GRTP1: variants seen among roughly 807,000 people sequenced by gnomAD.
GRTP1 encodes growth hormone regulated TBC protein 1.
A neutral mutation model predicts 38.1 loss-of-function variants in GRTP1; 56 were observed. The ratio of observed to expected loss-of-function variants is 1.47; its 90% confidence interval spans 1.19 to 1.84. GRTP1 has a LOEUF of 1.84. Ranked by LOEUF, GRTP1 falls within the 40% of genes most tolerant of loss-of-function variation. The pLI is 0.00. For synonymous variants in GRTP1, 217 were observed against 189.5 expected (o/e 1.14, Z -1.19); for missense variants, 506 against 453.9 (o/e 1.11, Z -1.04).
In GRTP1 at chr13:113,363,871, G is replaced by A. The variant is rs750617701; in HGVS notation, c.72C>T (p.Asp24=). 4 of 1,611,856 alleles carry A rather than the reference G, an allele frequency of 2.5e-6. No individual in the cohort carries two copies. The highest frequency in any genetic ancestry group is 1.7e-5 in the Admixed American group (1 of 59,964). ...PYGFERPEDF[D]DAAYEKFFSS... The stretch of plus-strand genomic sequence containing the variant: ...AGAAAAACTTCTCGTAGGCGGCGTC[G>A]TCGAAGTCCTCAGGCCGCTCGAATC... The change falls in exon 2 of 8, where the codon GAC becomes GAT. Residue 24 remains aspartate (D), a synonymous_variant. Transcript: ENST00000375431.
intron 5 of GRTP1, among the ~76,000 whole-genome samples, chr13:113,330,795 G>T (rs761521293): frequency 0.83 from 105 of 126 alleles, 51 homozygotes; most frequent in South Asian, 1. Context: ...TGGAGCCCAG[G>T]TGCGTGGATG....
At chr13:113,336,792 C>T (rs2042961578) in intron 5 of GRTP1, among the ~76,000 whole-genome samples, 1 of 12,338 alleles carries the variant, frequency 8.1e-5, no homozygotes, top group African/African-American at 3.1e-4. Context: ...TGGCGCTCAG[C>T]CCTAGAACTG....
chr13:113,351,476 GCTGAGAA>G (rs373403669), intron 3 of GRTP1, among the ~76,000 whole-genome samples: 2 of 151,644 alleles, frequency 1.3e-5, no homozygotes, highest in Admixed American at 6.6e-5. Flanking sequence ...AGAGCTGAGA[GCTGAGAA>G]CTGAATAAAC....
At chr13:113,345,576 C>T (rs539015773) in intron 4 of GRTP1, among the ~76,000 whole-genome samples, 6 of 152,362 alleles carry the variant, frequency 3.9e-5, no homozygotes, top group African/African-American at 1.2e-4. Context: ...TTCTTTGTCA[C>T]TCATTTGTAA....
rs67179331 is a variant in GRTP1, at chr13:113,336,298, G to GTTT, written c.562+8562_562+8564dup. Among the ~76,000 whole-genome samples the GTTT allele has an allele frequency of 8.7e-3, 182 of 20,986 alleles. 2 individuals are homozygous for GTTT. The highest frequency in any genetic ancestry group is 0.01 in the African/African-American group (171 of 16,606). The allele number at this position is 20,986 out of a possible 152,430, so 13.8% of individuals were successfully genotyped here. On this transcript the variant is annotated intron_variant, in intron 5 of 7. Transcript: ENST00000375431. The stretch of plus-strand genomic sequence containing the variant: ...CACACCCAGCAGTGGGAATAAGGTA[G>GTTT]TTTTTTTTTTTTTTTTTAAGGCAAA...
chr13:113,324,615 A>G (rs1401003888), intron 7 of GRTP1, 38 bp from the exon 8 acceptor site: 2 of 1,564,004 alleles, frequency 1.3e-6, no homozygotes, highest in Admixed American at 1.9e-5. Flanking sequence ...CAAACCCAAC[A>G]ACCCATTTCT....
chr13:113,325,786 C>G lies in GRTP1; in HGVS notation c.796G>C (p.Ala266Pro). The G allele has an allele frequency of 1.2e-6, 2 of 1,614,204 alleles. No homozygotes were observed. The highest frequency in any genetic ancestry group is 4.5e-5 in the East Asian group (2 of 44,880). Residue 266 changes from alanine (A) to proline (P), a missense_variant, in exon 7 of 8, where the codon GCC becomes CCC. Coordinates refer to ENST00000375431, the MANE Select transcript of GRTP1 (RefSeq NM_024719.4). ...NEGSKIIFRV[A>P]LTLIKQHQEL... ...TGGTGCTGCTTAATTAAGGTCAGGGCCACCCGGAAGATAATCTTCGAGCCT... is the reference window on the plus strand; with the variant it reads ...TGGTGCTGCTTAATTAAGGTCAGGGGCACCCGGAAGATAATCTTCGAGCCT...
chr13:113,363,697 T>C (rs2043543194), intron 2 of GRTP1, 65 bp downstream of exon 2: 21 of 1,425,566 alleles, frequency 1.5e-5, no homozygotes, highest in African/African-American at 3.2e-5. Flanking sequence ...GCCCGGACTT[T>C]GCCCGGCCCG....
chr13:113,337,992 T>C (rs1250880420), intron 5 of GRTP1, among the ~76,000 whole-genome samples: 1 of 152,216 alleles, frequency 6.6e-6, no homozygotes, highest in Non-Finnish European at 1.5e-5. Context: ...CTGACCTGCT[T>C]CCCTATTTTT....
intron 5 of GRTP1, among the ~76,000 whole-genome samples, chr13:113,329,644 G>A (rs1031740879): frequency 1.3e-5 from 2 of 152,198 alleles, no homozygotes; most frequent in Non-Finnish European, 2.9e-5. Context: ...TTCCCACCAC[G>A]TGATGTCAAA....
At chr13:113,331,014 G>A (rs879432685) in intron 5 of GRTP1, among the ~76,000 whole-genome samples, 1 of 148,988 alleles carries the variant, frequency 6.7e-6, no homozygotes, top group South Asian at 2.1e-4. Context: ...GGAAAGCCAG[G>A]TGTGTGCATT....
At position 113,333,837 on chromosome 13, in the gene GRTP1, TA is replaced by T. The variant is rs1240206512; in HGVS notation, c.563-7747del. Among the ~76,000 whole-genome samples, 448 of 76,374 alleles carry T rather than the reference TA, an allele frequency of 5.9e-3. 2 individuals carry two copies. The highest frequency in any genetic ancestry group is 0.023 in the African/African-American group (424 of 18,174). 50.1% of individuals were successfully genotyped at this position (76,374 alleles called of 152,430 possible). ...TTATTTATTTATTTATTTATTTATT[TA>T]GTGTGTGTGTGTGTGTGTGTGTGTG... On this transcript the variant is annotated intron_variant, in intron 5 of 7. Coordinates refer to ENST00000375431, the MANE Select transcript of GRTP1 (RefSeq NM_024719.4).
At chr13:113,363,677 C>G (rs964183886) in intron 2 of GRTP1, 85 bp downstream of exon 2, 18 of 1,388,070 alleles carry the variant, frequency 1.3e-5, no homozygotes, top group South Asian at 2.5e-5. Context: ...CCCCTCCCTC[C>G]GCTCCGGGAG....
chr13:113,325,387 C>G (rs1336233786), intron 7 of GRTP1: 1 of 1,432,054 alleles, frequency 7.0e-7, no homozygotes. Flanking sequence ...GGAAGCCACA[C>G]TTCTGGCACC....
At chr13:113,325,889 C>G (rs763418249) in intron 6 of GRTP1, 30 bp downstream of exon 6, 14 of 1,613,888 alleles carry the variant, frequency 8.7e-6, no homozygotes, top group Non-Finnish European at 1.2e-5. Flanking sequence ...TGGCGGCCCG[C>G]CCGCCCCAGG....
intron 5 of GRTP1, among the ~76,000 whole-genome samples, chr13:113,332,636 C>T (rs1258054818): frequency 6.6e-6 from 1 of 152,240 alleles, no homozygotes; most frequent in African/African-American, 2.4e-5. Context: ...AAGGACAGTT[C>T]CCACAAACAC....
At position 113,359,651 on chromosome 13, in the gene GRTP1, C is replaced by G. The variant is rs1175361054; in HGVS notation, c.181+4111G>C. 5 of 152,326 alleles carry G rather than the reference C, an allele frequency of 3.3e-5. No individual in the cohort carries two copies. In the East Asian group the frequency reaches 7.7e-4, roughly 24 times the overall value. The allele number at this position is 152,326 out of a possible 1,614,324, so 9.4% of individuals were successfully genotyped here. A position where few individuals can be genotyped will look rare whatever the true frequency, so the allele number is the denominator to read the frequency against. On this transcript the variant is annotated intron_variant, in intron 2 of 7. Transcript: ENST00000375431. ...AATGCACCAGCTCTGGAGTCAGACA[C>G]TCTGCTCCGCTATGACTTGCAGGCT...
rs1403045004 is a variant in GRTP1 at position 113,324,432 on chromosome 13, A to C, written c.*56T>G. Reference sequence around the variant, plus strand: ...AGCAGTGAAAGTTGGTCCAGTGTCAACTCTGGAAAGGGGCATCGTCAGTGT... The same window carrying C: ...AGCAGTGAAAGTTGGTCCAGTGTCACCTCTGGAAAGGGGCATCGTCAGTGT... On this transcript the variant is annotated 3_prime_UTR_variant, in exon 8 of 8. Coordinates refer to ENST00000375431, the MANE Select transcript of GRTP1 (RefSeq NM_024719.4). The C allele has an allele frequency of 1.3e-6, 2 of 1,489,318 alleles. No individual in the cohort carries two copies. Among genetic ancestry groups the C allele is most frequent in the African/African-American group, 2.8e-5 (2 of 70,552 alleles). The allele number at this position is 1,489,318 out of a possible 1,614,324, so 92.3% of individuals were successfully genotyped here.
At position 113,350,951 on chromosome 13, in the gene GRTP1, G is replaced by A. The variant is rs1394312869; in HGVS notation, c.363C>T (p.Asp121=). 1.2e-6 allele frequency: 2 copies of A among 1,613,700 alleles called. No individual in the cohort carries two copies. Among genetic ancestry groups the A allele is most frequent in the African/African-American group, 2.7e-5 (2 of 74,920 alleles). ...IRTDLNRTFP[D]NVKFRKTTDP... is the part of the protein sequence containing the mutation. ...CCGTGGTCTTCCGGAACTTCACGTT[G>A]TCGGGGAAGGTCCGGTTCAGGTCTG... The change falls in exon 4 of 8, where the codon GAC becomes GAT. Residue 121 remains aspartate (D), a synonymous_variant. Coordinates refer to ENST00000375431, the MANE Select transcript of GRTP1 (RefSeq NM_024719.4).
Sources: allele counts gnomAD v4.1 joint callset (sites outside exome capture counted in the v4.1 genomes callset), GRCh38; gene constraint gnomAD v4.1.1; transcripts MANE v1.5; gene names NCBI Gene and HGNC (gene_info 2026-07-23, HGNC 2026-07-21).